The following LINGO2 variants were observed in gnomAD, a reference collection of about 807,000 sequenced individuals.
LINGO2 encodes the protein leucine-rich repeat and immunoglobulin-like domain-containing nogo receptor-interacting protein 2.
In LINGO2, 14 loss-of-function variants were observed where a neutral mutation model predicts 30.6. The observed-to-expected ratio is 0.46, with a 90% CI of 0.30 to 0.72. LINGO2 has a LOEUF of 0.72. Ranked by LOEUF, LINGO2 falls within the 30% of genes least tolerant of loss-of-function variation. The probability of loss-of-function intolerance (pLI) is 0.07; values close to 1 mark genes in which losing one functional copy is unlikely to be tolerated. For missense variants in LINGO2, 729 were observed against 751.7 expected, an observed-to-expected ratio of 0.97 and a Z score of 0.35; for synonymous variants, 317 against 288.5, an observed-to-expected ratio of 1.10 and a Z score of -1.00.
At chr9:28,354,907 G>A (rs575178944) in intron 3 of LINGO2, among the ~76,000 whole-genome samples, 1 of 152,228 alleles carries the variant, frequency 6.6e-6, no homozygotes, top group African/African-American at 2.4e-5. Flanking sequence ...AAATACAACT[G>A]AGACTTGATC....
the LINGO2 span, among the ~76,000 whole-genome samples, chr9:28,929,176 C>T: frequency 3.6e-3 from 555 of 152,288 alleles, 2 homozygotes; most frequent in African/African-American, 0.013. Context: ...GCCCACTTCA[C>T]GTGGGTTGCC....
intron 3 of LINGO2, among the ~76,000 whole-genome samples, chr9:28,324,828 T>C (rs1430899510): frequency 1.3e-5 from 2 of 152,178 alleles, no homozygotes; most frequent in South Asian, 2.1e-4. Flanking sequence ...GAGCAGCCCA[T>C]GCCACTGCTC....
At chr9:28,994,456 TGG>T in the LINGO2 span, among the ~76,000 whole-genome samples, 2 of 151,620 alleles carry the variant, frequency 1.3e-5, no homozygotes, top group Non-Finnish European at 2.9e-5. Context: ...AGGTAATTTA[TGG>T]ATTCAATGCC....
chr9:28,751,288 CAAAAAAAAAA>C, the LINGO2 span, among the ~76,000 whole-genome samples: 5 of 82,020 alleles, frequency 6.1e-5, no homozygotes, highest in Non-Finnish European at 1.2e-4. Context: ...AAGATCCAGT[CAAAAAAAAAA>C]AAAAAAAAAA....
At chr9:28,391,219 G>A (rs1167840180) in intron 2 of LINGO2, among the ~76,000 whole-genome samples, 1 of 152,044 alleles carries the variant, frequency 6.6e-6, no homozygotes. Context: ...CAAATAATCA[G>A]CACCACACTG....
the LINGO2 span, among the ~76,000 whole-genome samples, chr9:28,974,409 A>C: frequency 6.6e-6 from 1 of 152,306 alleles, no homozygotes; most frequent in South Asian, 2.1e-4. Flanking sequence ...CTGTCTCAAA[A>C]ACAAACAAAA....
rs2133537927 is a variant in LINGO2, at chr9:28,148,565, CAGGG to C, written c.-86-136164_-86-136161del. On this transcript the variant is annotated intron_variant, in intron 4 of 5. Transcript: ENST00000379992. This position sits in a 1 kb window ranked among gnomAD's most constrained non-coding sequence, Gnocchi z 5.1. ...TTCCACCTCTAGGCCCCTGGAGACTCAGGGAAACTTCACTTCCTCCTGGTACAAT... is the reference window on the plus strand; with the variant it reads ...TTCCACCTCTAGGCCCCTGGAGACTCAAACTTCACTTCCTCCTGGTACAAT... The C allele has an allele frequency of 1.3e-6, 2 of 1,502,570 alleles. No individual in the cohort carries two copies. The highest frequency in any genetic ancestry group is 4.9e-5 in the East Asian group (2 of 40,750). The allele number at this position is 1,502,570 out of a possible 1,614,324, so 93.1% of individuals were successfully genotyped here.
intron 4 of LINGO2, among the ~76,000 whole-genome samples, chr9:28,262,349 A>T (rs1166962588): frequency 6.6e-6 from 1 of 151,962 alleles, no homozygotes; most frequent in African/African-American, 2.4e-5. Flanking sequence ...AAGATCTATT[A>T]TAGCTTCAAT....
intron 4 of LINGO2, among the ~76,000 whole-genome samples, chr9:28,261,132 AT>A (rs931003016): frequency 1.3e-4 from 20 of 152,138 alleles, no homozygotes; most frequent in African/African-American, 4.6e-4. Context: ...TATGTAAAAA[AT>A]AATTTTATAC....
intron 4 of LINGO2, among the ~76,000 whole-genome samples, chr9:28,013,473 GAATC>G (rs976989063): frequency 6.6e-6 from 1 of 152,106 alleles, no homozygotes; most frequent in Admixed American, 6.6e-5. Context: ...AGTTATTCAG[GAATC>G]AATCAATCAA....
At chr9:28,922,221 T>C in the LINGO2 span, among the ~76,000 whole-genome samples, 3 of 152,204 alleles carry the variant, frequency 2.0e-5, no homozygotes, top group Non-Finnish European at 4.4e-5. Context: ...ATTGCAATTA[T>C]CTGAGTAGGT....
the LINGO2 span, among the ~76,000 whole-genome samples, chr9:28,965,137 G>A: frequency 1.3e-5 from 2 of 151,830 alleles, no homozygotes; most frequent in African/African-American, 2.4e-5. Flanking sequence ...TCCTGATAAC[G>A]AACAGGTAGA....
chr9:28,848,288 C>T, the LINGO2 span, among the ~76,000 whole-genome samples: 3 of 99,208 alleles, frequency 3.0e-5, no homozygotes, highest in Non-Finnish European at 5.4e-5. Flanking sequence ...ATACACTATG[C>T]ATATATATAT....
intron 3 of LINGO2, among the ~76,000 whole-genome samples, chr9:28,324,134 T>C (rs564670785): frequency 1.1e-4 from 17 of 152,274 alleles, no homozygotes; most frequent in Non-Finnish European, 2.2e-4. Context: ...GGATTAACCA[T>C]GAAGCAAGCA....
chr9:27,941,514 G>A, the LINGO2 span: 1 of 152,148 alleles, frequency 6.6e-6, no homozygotes, highest in Non-Finnish European at 1.5e-5. Flanking sequence ...TGTGTTTATT[G>A]CTTCCTGGAG....
chr9:28,368,568 C>T (rs1401874564), intron 3 of LINGO2, among the ~76,000 whole-genome samples: 2 of 147,184 alleles, frequency 1.4e-5, no homozygotes, highest in Non-Finnish European at 3.0e-5. Context: ...ATTAGAGTGC[C>T]TTCTTTCTTT....
the LINGO2 span, among the ~76,000 whole-genome samples, chr9:29,172,756 G>GA: frequency 0.013 from 1,948 of 149,178 alleles, 15 homozygotes; most frequent in Admixed American, 0.02. Context: ...AAAACAATCA[G>GA]AAAAAAAAAT....
the LINGO2 span, among the ~76,000 whole-genome samples, chr9:29,210,446 G>C: frequency 6.6e-6 from 1 of 152,088 alleles, no homozygotes; most frequent in Admixed American, 6.5e-5. Flanking sequence ...GTATATATAA[G>C]TTGTACCTAT....
chr9:28,587,259 T>A lies in LINGO2; in HGVS notation c.-365+82941A>T, dbSNP rs140544244. On this transcript the variant is annotated intron_variant, in intron 1 of 5. Coordinates refer to ENST00000379992, the Ensembl canonical transcript of LINGO2. ...AAGTTCTGCTGTGCTAACTCAGCAT[T>A]AATGAAATTCTGAAGCAATACTGCA... Among the ~76,000 whole-genome samples the A allele has an allele frequency of 3.0e-3, 453 of 152,166 alleles. 2 individuals carry two copies. The highest frequency in any genetic ancestry group is 0.01 in the African/African-American group (428 of 41,556).
Sources: gnomAD v4.1 joint callset for allele counts (sites outside exome capture counted in the v4.1 genomes callset) on GRCh38, gnomAD v4.1.1 for gene constraint, Gnocchi (gnomAD v3.1) non-coding constraint, MANE v1.5 for transcripts, NCBI Gene and HGNC (gene_info 2026-07-23, HGNC 2026-07-21) for gene names.